The following CACNA1C variants were observed in gnomAD, a reference collection of about 807,000 sequenced individuals.
The protein encoded by CACNA1C is calcium voltage-gated channel subunit alpha1 C, also known as voltage-dependent L-type calcium channel subunit alpha-1C.
Under a neutral mutation model 229.0 loss-of-function variants are expected in CACNA1C, and 30 were observed. That is an observed-to-expected ratio of 0.13 (90% CI 0.10 to 0.18). The LOEUF (loss-of-function observed/expected upper bound fraction) is 0.18. Ranked by LOEUF, CACNA1C falls within the 10% of genes least tolerant of loss-of-function variation. The pLI, the probability that CACNA1C is intolerant of heterozygous loss-of-function variation, is 1.00. For synonymous variants in CACNA1C, 1,114 were observed against 1,132.5 expected (o/e 0.98, Z 0.33); for missense variants, 1,658 against 2,845.0 (o/e 0.58, Z 9.49).
At chr12:2,252,398 A>G (rs2075895013) in intron 3 of CACNA1C, among the ~76,000 whole-genome samples, 1 of 152,120 alleles carries the variant, frequency 6.6e-6, no homozygotes, top group Admixed American at 6.5e-5. Flanking sequence ...GATACGATAC[A>G]CAAACGTTTG....
At chr12:2,099,668 CT>C (rs1487058301) in intron 1 of CACNA1C, among the ~76,000 whole-genome samples, 5 of 152,130 alleles carry the variant, frequency 3.3e-5, no homozygotes, top group Admixed American at 3.3e-4. Flanking sequence ...ACAAAAATAC[CT>C]AGTACCATTT....
intron 1 of CACNA1C, among the ~76,000 whole-genome samples, chr12:1,999,538 T>C (rs1480886856): frequency 1.3e-5 from 2 of 151,710 alleles, no homozygotes; most frequent in African/African-American, 2.4e-5. Flanking sequence ...CTGGGCAACA[T>C]AGTGAGACCT....
At chr12:2,116,456 C>T (rs888799945) in intron 2 of CACNA1C, among the ~76,000 whole-genome samples, 43 of 151,732 alleles carry the variant, frequency 2.8e-4, no homozygotes, top group African/African-American at 9.7e-4. Context: ...ACTGCAAGCT[C>T]CTGGGTTCGC....
At chr12:2,085,233 T>C (rs1406898708) in intron 1 of CACNA1C, among the ~76,000 whole-genome samples, 1 of 152,236 alleles carries the variant, frequency 6.6e-6, no homozygotes, top group Non-Finnish European at 1.5e-5. Context: ...ATCACACTGG[T>C]GATGTGAGTT....
intron 3 of CACNA1C, among the ~76,000 whole-genome samples, chr12:2,189,476 A>G (rs2097147559): frequency 6.6e-6 from 1 of 152,216 alleles, no homozygotes. Context: ...GGCCCAGTCC[A>G]TGGAAACAGG....
At chr12:2,684,021 G>A (rs558673433) in intron 43 of CACNA1C, among the ~76,000 whole-genome samples, 1 of 152,346 alleles carries the variant, frequency 6.6e-6, no homozygotes, top group Admixed American at 6.5e-5. Flanking sequence ...AGCCTTGCAG[G>A]CTTTTGAAGA....
rs139835303 is a variant in CACNA1C at position 2,232,995 on chromosome 12, C to T, written c.477+112565C>T. ...GATATTCCAGGCACATCTTTTATTT[C>T]CCCCTCAGCCCTAGAATCAACTGTT... On this transcript the variant is annotated intron_variant, in intron 3 of 46. Coordinates refer to ENST00000399655, the MANE Select transcript of CACNA1C (RefSeq NM_000719.7). Among the ~76,000 whole-genome samples, 805 of 152,256 alleles carry T rather than the reference C, an allele frequency of 5.3e-3. 2 individuals carry two copies. Among genetic ancestry groups the T allele is most frequent in the Non-Finnish European group, 7.7e-3 (527 of 68,012 alleles).
At chr12:2,524,679 C>T (rs2154580875) in intron 9 of CACNA1C, among the ~76,000 whole-genome samples, 1 of 152,372 alleles carries the variant, frequency 6.6e-6, no homozygotes, top group East Asian at 1.9e-4. Context: ...CGGGGCCTCA[C>T]AGTCTCCCCT....
In CACNA1C at chr12:2,556,947, T is replaced by C. The variant is rs1241959891; in HGVS notation, c.1482-4T>C. On this transcript the variant is annotated splice_region_variant and splice_polypyrimidine_tract_variant and intron_variant, in intron 10 of 46. Coordinates refer to ENST00000399655, the MANE Select transcript of CACNA1C (RefSeq NM_000719.7). Reference sequence around the variant, plus strand: ...TTTGGTAACATTTCCTTTTTCTTTTTCAGCCACCGGATCTCCAAGTCAAAG... The same window carrying C: ...TTTGGTAACATTTCCTTTTTCTTTTCCAGCCACCGGATCTCCAAGTCAAAG... 1.2e-6 allele frequency: 2 copies of C among 1,612,242 alleles called. No homozygotes were observed. Among genetic ancestry groups the C allele is most frequent in the Admixed American group, 3.3e-5 (2 of 60,008 alleles).
intron 3 of CACNA1C, among the ~76,000 whole-genome samples, chr12:2,376,123 G>A (rs1031499315): frequency 7.2e-5 from 11 of 152,336 alleles, no homozygotes; most frequent in Admixed American, 3.9e-4. Context: ...CTCAGTAGAA[G>A]GAGCAGCCAT....
At chr12:2,074,608 CAG>C (rs1418133423) in intron 1 of CACNA1C, among the ~76,000 whole-genome samples, 2 of 152,184 alleles carry the variant, frequency 1.3e-5, no homozygotes, top group East Asian at 1.9e-4. Flanking sequence ...TAGGCCCTCT[CAG>C]GGGGAGGAGA....
intron 3 of CACNA1C, among the ~76,000 whole-genome samples, chr12:2,276,438 C>T (rs2088092067): frequency 6.6e-6 from 1 of 152,242 alleles, no homozygotes; most frequent in Admixed American, 6.5e-5. Flanking sequence ...TGACCCAACA[C>T]AGAACAGAAA....
chr12:2,435,769 A>G (rs148753113), intron 3 of CACNA1C, among the ~76,000 whole-genome samples: 85 of 152,290 alleles, frequency 5.6e-4, no homozygotes, highest in African/African-American at 1.9e-3. Context: ...GCACTATACA[A>G]TGCACTGTGG....
At chr12:2,224,602 G>A (rs982615691) in intron 3 of CACNA1C, among the ~76,000 whole-genome samples, 6 of 152,198 alleles carry the variant, frequency 3.9e-5, no homozygotes, top group African/African-American at 7.2e-5. Flanking sequence ...TGTGTTATAA[G>A]ATGACTTTGG....
intron 3 of CACNA1C, among the ~76,000 whole-genome samples, chr12:2,376,331 C>A (rs951400597): frequency 2.0e-5 from 3 of 152,154 alleles, no homozygotes; most frequent in African/African-American, 7.2e-5. Context: ...AGCGCCCATT[C>A]TTCTTCTTAT....
intron 4 of CACNA1C, among the ~76,000 whole-genome samples, chr12:2,450,462 G>C (rs1429734200): frequency 6.9e-6 from 1 of 144,158 alleles, no homozygotes; most frequent in Non-Finnish European, 1.5e-5. Flanking sequence ...GCTGAGGCAG[G>C]AGAATGGCGT....
chr12:2,572,412 C>CTT (rs2055585125), intron 13 of CACNA1C, among the ~76,000 whole-genome samples: 1 of 21,260 alleles, frequency 4.7e-5, no homozygotes, highest in African/African-American at 1.9e-4. Context: ...TCCTCCTCCT[C>CTT]CTGTTCCTCC....
chr12:2,228,946 G>A (rs1444365122), intron 3 of CACNA1C, among the ~76,000 whole-genome samples: 6 of 152,152 alleles, frequency 3.9e-5, no homozygotes. Context: ...ATGTGTGTGT[G>A]TGTGCATATC....
At chr12:2,304,499 C>A (rs186012988) in intron 3 of CACNA1C, among the ~76,000 whole-genome samples, 185 of 152,322 alleles carry the variant, frequency 1.2e-3, no homozygotes, top group African/African-American at 4.3e-3. Context: ...ACACGTTTGT[C>A]CCCCTGTGCT....
Sources: gnomAD v4.1 joint callset for allele counts (sites outside exome capture counted in the v4.1 genomes callset) on GRCh38, gnomAD v4.1.1 for gene constraint, MANE v1.5 for transcripts, NCBI Gene and HGNC (gene_info 2026-07-23, HGNC 2026-07-21) for gene names.